ZNF804B: variants seen among roughly 807,000 people sequenced by gnomAD.
ZNF804B encodes zinc finger protein 804B.
In ZNF804B, 80 loss-of-function variants were observed where a neutral mutation model predicts 101.4. That is an observed-to-expected ratio of 0.79 (90% CI 0.66 to 0.95). The LOEUF (loss-of-function observed/expected upper bound fraction) is 0.95. Ranked by LOEUF, ZNF804B falls within the 40% of genes least tolerant of loss-of-function variation. ZNF804B has a pLI of 0.00. For synonymous variants in ZNF804B, 622 were observed against 558.8 expected (o/e 1.11, Z -1.59); for missense variants, 1,673 against 1,561.9 (o/e 1.07, Z -1.20).
intron 1 of ZNF804B, among the ~76,000 whole-genome samples, chr7:89,091,997 T>A (rs60972253): frequency 0.023 from 3,465 of 152,296 alleles, 162 homozygotes; most frequent in African/African-American, 0.079. Flanking sequence ...TCATGTGTCT[T>A]AGTTTGTGTA....
chr7:89,288,918 G>A (rs1476627003), intron 2 of ZNF804B, among the ~76,000 whole-genome samples: 1 of 152,060 alleles, frequency 6.6e-6, no homozygotes, highest in Non-Finnish European at 1.5e-5. Flanking sequence ...ATAATAATAG[G>A]TCAATGAGAA....
chr7:89,088,369 C>T lies in ZNF804B; in HGVS notation c.109-129786C>T, dbSNP rs1456222100. Among the ~76,000 whole-genome samples, 7 of 151,904 alleles carry T rather than the reference C, an allele frequency of 4.6e-5. No homozygotes were observed. The East Asian group carries it at 1.4e-3, about 29-fold the overall frequency. On this transcript the variant is annotated intron_variant, in intron 1 of 3. Coordinates refer to ENST00000333190, the MANE Select transcript of ZNF804B (RefSeq NM_181646.5). Reference sequence around the variant, plus strand: ...TAGGAGCTGAGAATGAGATCTGGAACCCTTAAAAAGTCTAGAATATGGTAG... The same window carrying T: ...TAGGAGCTGAGAATGAGATCTGGAATCCTTAAAAAGTCTAGAATATGGTAG...
At chr7:89,280,396 A>T (rs1391955905) in intron 2 of ZNF804B, among the ~76,000 whole-genome samples, 2 of 152,034 alleles carry the variant, frequency 1.3e-5, no homozygotes, top group East Asian at 3.9e-4. Context: ...GTAGGCAAGA[A>T]ATAACTAAAA....
Position 89,132,333 on chromosome 7 carries a change from A to T in ZNF804B, c.109-85822A>T, listed in dbSNP as rs372398834. ...CTGAAAACAAAACAAAACAAAACAA[A>T]GACGCTATCTTGAAGTGTGCCTTGA... On this transcript the variant is annotated intron_variant, in intron 1 of 3. Transcript: ENST00000333190. Among the ~76,000 whole-genome samples, 49 of 152,138 alleles carry T rather than the reference A, an allele frequency of 3.2e-4. 1 individual carries two copies. In the East Asian group the frequency reaches 6.0e-3, roughly 19 times the overall value.
chr7:89,095,626 T>C (rs1189205169), intron 1 of ZNF804B, among the ~76,000 whole-genome samples: 4 of 152,116 alleles, frequency 2.6e-5, no homozygotes, highest in South Asian at 2.1e-4. Flanking sequence ...ATATATGCAA[T>C]GGGAACACAG....
intron 1 of ZNF804B, among the ~76,000 whole-genome samples, chr7:89,199,785 C>T (rs577414945): frequency 6.6e-6 from 1 of 151,210 alleles, no homozygotes; most frequent in Non-Finnish European, 1.5e-5. Flanking sequence ...GAATTTATGA[C>T]ATTTTATATA....
chr7:89,113,877 AG>A (rs1460678725), intron 1 of ZNF804B, among the ~76,000 whole-genome samples: 1 of 151,904 alleles, frequency 6.6e-6, no homozygotes, highest in Non-Finnish European at 1.5e-5. Context: ...TGAACCAAGG[AG>A]GCAGAGGTTG....
intron 1 of ZNF804B, among the ~76,000 whole-genome samples, chr7:88,929,142 A>G (rs1792846718): frequency 6.6e-6 from 1 of 151,884 alleles, no homozygotes; most frequent in Admixed American, 6.6e-5. Flanking sequence ...TCTTTATCAT[A>G]TACAGATCTC....
At chr7:88,763,827 A>G (rs1322313849) in intron 1 of ZNF804B, among the ~76,000 whole-genome samples, 1 of 152,120 alleles carries the variant, frequency 6.6e-6, no homozygotes, top group African/African-American at 2.4e-5. Context: ...TTTTTTATAT[A>G]TTATGTTATA....
At chr7:88,810,831 C>T (rs1204623308) in intron 1 of ZNF804B, among the ~76,000 whole-genome samples, 1 of 152,016 alleles carries the variant, frequency 6.6e-6, no homozygotes, top group Non-Finnish European at 1.5e-5. Flanking sequence ...AAGCAACAGT[C>T]TATGAACATC....
At chr7:88,947,018 G>C (rs1793143901) in intron 1 of ZNF804B, among the ~76,000 whole-genome samples, 1 of 152,028 alleles carries the variant, frequency 6.6e-6, no homozygotes, top group African/African-American at 2.4e-5. Flanking sequence ...GGAAGCAACA[G>C]ATGCTGGAGA....
intron 1 of ZNF804B, among the ~76,000 whole-genome samples, chr7:89,008,391 A>G (rs1788401487): frequency 2.0e-5 from 3 of 152,212 alleles, no homozygotes; most frequent in African/African-American, 4.8e-5. Context: ...TGAGAATTTC[A>G]TTGATGAGCC....
chr7:88,854,762 A>G (rs1250501664), intron 1 of ZNF804B, among the ~76,000 whole-genome samples: 1 of 64,960 alleles, frequency 1.5e-5, no homozygotes, highest in East Asian at 4.9e-4. Flanking sequence ...CCCTCCCCCG[A>G]CCCCACAACA....
intron 1 of ZNF804B, among the ~76,000 whole-genome samples, chr7:88,792,410 A>G (rs1790394941): frequency 6.6e-6 from 1 of 152,150 alleles, no homozygotes. Context: ...ATATTCCCAA[A>G]CAAAATTCAC....
intron 2 of ZNF804B, among the ~76,000 whole-genome samples, chr7:89,246,041 T>C (rs529644265): frequency 6.6e-6 from 1 of 152,194 alleles, no homozygotes; most frequent in Admixed American, 6.5e-5. Flanking sequence ...AGGATGTCAT[T>C]ATAACCTGGG....
chr7:88,982,207 A>G (rs1443333905), intron 1 of ZNF804B, among the ~76,000 whole-genome samples: 9 of 151,968 alleles, frequency 5.9e-5, no homozygotes, highest in Non-Finnish European at 1.0e-4. Context: ...GCGGTCTTCT[A>G]TACTCTATTG....
At chr7:88,913,718 A>G (rs889221969) in intron 1 of ZNF804B, among the ~76,000 whole-genome samples, 5 of 152,140 alleles carry the variant, frequency 3.3e-5, no homozygotes, top group Non-Finnish European at 7.4e-5. Context: ...ATTTTTAAGC[A>G]TCATATGTAC....
At chr7:89,140,950 T>C (rs1474505101) in intron 1 of ZNF804B, among the ~76,000 whole-genome samples, 3 of 148,820 alleles carry the variant, frequency 2.0e-5, no homozygotes, top group Non-Finnish European at 3.0e-5. Flanking sequence ...AGCTTTTGAT[T>C]AAAAATGAGA....
chr7:88,984,014 T>C (rs1225612627), intron 1 of ZNF804B, among the ~76,000 whole-genome samples: 1 of 152,110 alleles, frequency 6.6e-6, no homozygotes, highest in East Asian at 1.9e-4. Context: ...AAATAAGACA[T>C]TATTATCTGC....
Sources: gnomAD v4.1 joint callset for allele counts (sites outside exome capture counted in the v4.1 genomes callset) on GRCh38, gnomAD v4.1.1 for gene constraint, MANE v1.5 for transcripts, NCBI Gene and HGNC (gene_info 2026-07-23, HGNC 2026-07-21) for gene names.